The following NRCAM variants were observed in gnomAD, a reference collection of about 807,000 sequenced individuals.
NRCAM encodes NgCAM-related cell adhesion molecule.
A neutral mutation model predicts 156.5 loss-of-function variants in NRCAM; 83 were observed. That is an observed-to-expected ratio of 0.53 (90% confidence interval 0.44 to 0.64). The LOEUF is 0.64. NRCAM is among the 30% of genes least tolerant of loss of function. NRCAM has a pLI of 0.00. For synonymous variants in NRCAM, 538 were observed against 563.9 expected, an observed-to-expected ratio of 0.95 and a Z score of 0.65; for missense variants, 1,417 against 1,597.3, an observed-to-expected ratio of 0.89 and a Z score of 1.92.
chr7:108,314,050 G>A (rs548621675), intron 2 of NRCAM, among the ~76,000 whole-genome samples: 17 of 152,202 alleles, frequency 1.1e-4, no homozygotes, highest in East Asian at 3.9e-4. Flanking sequence ...AGGGCAAAAC[G>A]CTCTAAAAAG....
chr7:108,301,557 C>T (rs1394599518), intron 3 of NRCAM, among the ~76,000 whole-genome samples: 3 of 152,182 alleles, frequency 2.0e-5, no homozygotes, highest in Non-Finnish European at 4.4e-5. Flanking sequence ...CATCCCATCT[C>T]ATGTTTCTGG....
At chr7:108,377,174 T>C (rs932652119) in intron 2 of NRCAM, among the ~76,000 whole-genome samples, 18 of 152,032 alleles carry the variant, frequency 1.2e-4, no homozygotes, top group Non-Finnish European at 1.3e-4. Context: ...TGAAAGTGAA[T>C]GGAACATACA....
chr7:108,156,273 G>A (rs2045414249), intron 32 of NRCAM: 1 of 984,162 alleles, frequency 1.0e-6, no homozygotes. Context: ...CATGTGGCAA[G>A]AGCCACCAAT....
chr7:108,423,609 G>A lies in NRCAM; in HGVS notation c.-331-24016C>T, dbSNP rs561625819. On this transcript the variant is annotated intron_variant, in intron 1 of 32. Transcript: ENST00000379028. ...TACAAAACCAAGAAGCACCTCAGTC[G>A]TTGCATAAGTCTATATTCCAGCTAA... Among the ~76,000 whole-genome samples the A allele has an allele frequency of 3.3e-5, 5 of 152,328 alleles. No individual in the cohort carries two copies. The South Asian group carries it at 8.3e-4, about 25-fold the overall frequency.
chr7:108,165,912 G>A (rs990449164), intron 30 of NRCAM, among the ~76,000 whole-genome samples: 3 of 152,226 alleles, frequency 2.0e-5, no homozygotes, highest in African/African-American at 7.2e-5. Flanking sequence ...ATGAACCACA[G>A]AGTGAACATG....
At position 108,149,528 on chromosome 7, in the gene NRCAM, G is replaced by A; in HGVS notation, c.*382C>T. ...TTCATATATAGGGGTTCAGCTGAGG[G>A]TAGTATAAACAAAGTATCAAACCAT... On this transcript the variant is annotated 3_prime_UTR_variant, in exon 33 of 33. Coordinates refer to ENST00000379028, the MANE Select transcript of NRCAM (RefSeq NM_001037132.4). The A allele has an allele frequency of 5.3e-6, 1 of 187,672 alleles. No individual in the cohort carries two copies. Among genetic ancestry groups the A allele is most frequent in the Non-Finnish European group, 1.1e-5 (1 of 90,428 alleles). 11.6% of individuals were successfully genotyped at this position (187,672 alleles called of 1,614,324 possible).
intron 3 of NRCAM, among the ~76,000 whole-genome samples, chr7:108,255,609 G>A (rs1370879525): frequency 5.3e-5 from 8 of 151,738 alleles, no homozygotes; most frequent in Non-Finnish European, 7.4e-5. Context: ...AGTGAGGAGC[G>A]TCTCTGCCTG....
At chr7:108,417,104 T>G (rs1802519506) in intron 1 of NRCAM, among the ~76,000 whole-genome samples, 1 of 152,240 alleles carries the variant, frequency 6.6e-6, no homozygotes, top group African/African-American at 2.4e-5. Flanking sequence ...GATTCTCTGC[T>G]TTTGCAACAT....
intron 32 of NRCAM, among the ~76,000 whole-genome samples, chr7:108,155,093 T>C (rs1156638537): frequency 1.9e-4 from 16 of 86,450 alleles, no homozygotes; most frequent in African/African-American, 1.1e-3. Flanking sequence ...AAGTCATATA[T>C]ATATATATAC....
chr7:108,360,907 A>T (rs1381784993), intron 2 of NRCAM, among the ~76,000 whole-genome samples: 1 of 152,206 alleles, frequency 6.6e-6, no homozygotes, highest in Admixed American at 6.5e-5. Flanking sequence ...GAAAATATGG[A>T]TTAGAAAACC....
chr7:108,156,211 G>T, intron 32 of NRCAM: 4 of 719,900 alleles, frequency 5.6e-6, no homozygotes, highest in African/African-American at 1.9e-5. Flanking sequence ...AGCCTTATGA[G>T]CATGGGTTAG....
rs10276275 is a variant in NRCAM at position 108,266,411 on chromosome 7, C to A, written c.-106-26241G>T. ...GGCTGGTAAAGCCTGGGTATGATGG[C>A]TAAATTGAGCTGTTCTTACCCAGAT... On this transcript the variant is annotated intron_variant, in intron 3 of 32. Coordinates refer to ENST00000379028, the MANE Select transcript of NRCAM (RefSeq NM_001037132.4). 4.2e-3 allele frequency among the ~76,000 whole-genome samples: 635 copies of A among 152,288 alleles called. 5 individuals carry two copies. Among genetic ancestry groups the A allele is most frequent in the African/African-American group, 0.015 (605 of 41,558 alleles).
Position 108,226,281 on chromosome 7 carries a change from A to G in NRCAM, c.648T>C (p.Tyr216=). 1.2e-6 allele frequency: 2 copies of G among 1,609,806 alleles called. No homozygotes were observed. The highest frequency in any genetic ancestry group is 1.7e-6 in the Non-Finnish European group (2 of 1,176,652). The change falls in exon 9 of 33, where the codon TAT becomes TAC. Residue 216 remains tyrosine (Y), a synonymous_variant. Coordinates refer to ENST00000379028, the MANE Select transcript of NRCAM (RefSeq NM_001037132.4). ...TATGATTAAATCTAGCATAACAGAT[A>G]TAGTCTTCGCGGGTGTCCTCTGGGA... is the stretch of plus-strand genomic sequence containing the variant. ...NVLPEDTRED[Y]ICYARFNHTQ...
At chr7:108,301,874 C>T (rs1243954536) in intron 3 of NRCAM, among the ~76,000 whole-genome samples, 2 of 152,214 alleles carry the variant, frequency 1.3e-5, no homozygotes, top group African/African-American at 4.8e-5. Context: ...GCCAATACAT[C>T]ACTTTAGGAC....
intron 2 of NRCAM, among the ~76,000 whole-genome samples, chr7:108,330,273 C>A (rs2099113346): frequency 6.6e-6 from 1 of 152,174 alleles, no homozygotes; most frequent in Admixed American, 6.6e-5. Flanking sequence ...AAGGCTCACA[C>A]ACCAACTTGA....
intron 2 of NRCAM, among the ~76,000 whole-genome samples, chr7:108,367,460 A>G (rs2099598903): frequency 6.6e-6 from 1 of 152,188 alleles, no homozygotes; most frequent in Non-Finnish European, 1.5e-5. Context: ...TTCCACCTAT[A>G]AAGATCCTAA....
intron 3 of NRCAM, among the ~76,000 whole-genome samples, chr7:108,248,840 C>G (rs1589923051): frequency 6.6e-6 from 1 of 152,128 alleles, no homozygotes; most frequent in Non-Finnish European, 1.5e-5. Flanking sequence ...AGTATTTCTG[C>G]CACGGGGAGC....
At chr7:108,373,999 G>A (rs779877326) in intron 2 of NRCAM, among the ~76,000 whole-genome samples, 17 of 152,116 alleles carry the variant, frequency 1.1e-4, no homozygotes, top group Non-Finnish European at 2.2e-4. Context: ...ACACAGCCAT[G>A]AAACAAAACA....
At chr7:108,366,919 G>T (rs1368846297) in intron 2 of NRCAM, among the ~76,000 whole-genome samples, 1 of 152,116 alleles carries the variant, frequency 6.6e-6, no homozygotes. Context: ...CCCATTCTAG[G>T]TTAAAATGTG....
Sources: allele counts gnomAD v4.1 joint callset (sites outside exome capture counted in the v4.1 genomes callset), GRCh38; gene constraint gnomAD v4.1.1; transcripts MANE v1.5; gene names NCBI Gene and HGNC (gene_info 2026-07-23, HGNC 2026-07-21).